Variants in BIRC3 observed in about 807,000 individuals in gnomAD.
The protein encoded by BIRC3 is baculoviral IAP repeat-containing protein 3.
Under a neutral mutation model 59.0 loss-of-function variants are expected in BIRC3, and 26 were observed. That is an observed-to-expected ratio of 0.44 (90% CI 0.32 to 0.61). BIRC3 has a LOEUF of 0.61. BIRC3 is among the 20% of genes least tolerant of loss of function. The pLI, the probability that BIRC3 is intolerant of heterozygous loss-of-function variation, is 0.04. For missense variants in BIRC3, 641 were observed against 711.5 expected (o/e 0.90, Z 1.13); for synonymous variants, 243 against 249.2 (o/e 0.98, Z 0.24).
chr11:102,336,286 T>C (rs527291631), intron 7 of BIRC3, 66 bp downstream of exon 7: 4 of 1,470,576 alleles, frequency 2.7e-6, no homozygotes, highest in African/African-American at 2.8e-5. Context: ...TTATTAATAA[T>C]TTATGACTAC....
chr11:102,337,014 T>C lies in BIRC3; in HGVS notation c.1727T>C (p.Val576Ala). 6.2e-7 allele frequency: 1 copy of C among 1,605,154 alleles called. No individual in the cohort carries two copies. Among genetic ancestry groups the C allele is most frequent in the Non-Finnish European group, 8.5e-7 (1 of 1,178,110 alleles). Residue 576 changes from valine to alanine, a missense_variant, in exon 9 of 9, where the codon GTA becomes GCA. Physicochemically the swap from Val to Ala is moderately conservative, Grantham distance 64 (BLOSUM62 0). Around this residue, in one of 4 missense-constraint regions of BIRC3, gnomAD observed 41 missense variants for 73.4 expected, o/e 0.56. Coordinates refer to ENST00000263464, the MANE Select transcript of BIRC3 (RefSeq NM_001165.5). ...GTGTTTATTCCTTGTGGTCATCTAGTAGTATGCAAAGATTGTGCTCCTTCT... is the reference window on the plus strand; with the variant it reads ...GTGTTTATTCCTTGTGGTCATCTAGCAGTATGCAAAGATTGTGCTCCTTCT... ...SIVFIPCGHLVVCKDCAPSLR... is the reference protein window; with the variant it reads ...SIVFIPCGHLAVCKDCAPSLR...
chr11:102,332,700 C>A (rs1225685525), intron 6 of BIRC3, among the ~76,000 whole-genome samples: 2 of 152,206 alleles, frequency 1.3e-5, no homozygotes, highest in African/African-American at 4.8e-5. Context: ...TGGATTTGTT[C>A]TCTGACCCAA....
intron 7 of BIRC3, 71 bp downstream of exon 7, chr11:102,336,291 G>T: frequency 6.8e-7 from 1 of 1,460,348 alleles, no homozygotes; most frequent in South Asian, 1.4e-5. Context: ...AATAATTTAT[G>T]ACTACTGAAA....
chr11:102,328,036 T>C lies in BIRC3; in HGVS notation c.954-16T>C. ...GTATAAATAATCCCTCAAATTTTAT[T>C]TTCTTTACATTTTAGGTGTGAGTAC... On this transcript the variant is annotated splice_polypyrimidine_tract_variant and intron_variant, in intron 3 of 8. Transcript: ENST00000263464. The C allele has an allele frequency of 1.3e-6, 2 of 1,581,752 alleles. No homozygotes were observed. The highest frequency in any genetic ancestry group is 2.3e-5 in the South Asian group (2 of 86,456).
rs375640711 is a variant in BIRC3 at position 102,324,587 on chromosome 11, G to T, written c.78G>T (p.Leu26Phe). 3.1e-6 allele frequency: 5 copies of T among 1,614,004 alleles called. No homozygotes were observed. The African/African-American group carries it at 6.7e-5, about 22-fold the overall frequency. Residue 26 changes from leucine (L) to phenylalanine (F), a missense_variant, in exon 2 of 9, where the codon TTG (leucine) becomes TTT (phenylalanine). By Grantham distance (22) the Leu-to-Phe change is conservative. This residue lies in a region of BIRC3 where 329 missense variants were observed against 365.6 expected (regional missense o/e 0.90). Coordinates refer to ENST00000263464, the MANE Select transcript of BIRC3 (RefSeq NM_001165.5). ...ACACGTTTGAACTGAAATACGACTT[G>T]TCATGTGAACTGTACCGAATGTCTA... ...SANTFELKYD[L>F]SCELYRMSTY...
chr11:102,329,084 AT>A, intron 5 of BIRC3, 139 bp downstream of exon 5: 1 of 429,456 alleles, frequency 2.3e-6, no homozygotes. Context: ...CTGTGTTGGT[AT>A]TTCCCAAACT....
chr11:102,317,997 G>C (rs550297045), intron 1 of BIRC3, among the ~76,000 whole-genome samples: 1 of 152,282 alleles, frequency 6.6e-6, no homozygotes, highest in East Asian at 1.9e-4. Flanking sequence ...TAGGAAGACA[G>C]CAGTTTTTGG....
At chr11:102,318,702 G>A (rs894140515) in intron 1 of BIRC3, among the ~76,000 whole-genome samples, 1 of 152,160 alleles carries the variant, frequency 6.6e-6, no homozygotes, top group African/African-American at 2.4e-5. Flanking sequence ...TTAAATGAAT[G>A]AGTCAGAAGA....
chr11:102,318,367 A>T (rs2135779791), intron 1 of BIRC3, among the ~76,000 whole-genome samples: 1 of 152,294 alleles, frequency 6.6e-6, no homozygotes, highest in South Asian at 2.1e-4. Flanking sequence ...GCCTGATACT[A>T]ATCAATCACT....
Position 102,338,001 on chromosome 11 carries a change from T to C in BIRC3, c.*899T>C, listed in dbSNP as rs753880591. 12 of 226,182 alleles carry C rather than the reference T, an allele frequency of 5.3e-5. No homozygotes were observed. Among genetic ancestry groups the C allele is most frequent in the Non-Finnish European group, 1.1e-4 (12 of 113,748 alleles). 14.0% of individuals were successfully genotyped at this position (226,182 alleles called of 1,614,324 possible). ...CAAGAAGTCTCATGCCAGCCCCACC[T>C]ATTGGAAGAAGGTCTGAGTTTTATT... On this transcript the variant is annotated 3_prime_UTR_variant, in exon 9 of 9. Transcript: ENST00000263464.
chr11:102,319,200 C>T (rs569141997), intron 1 of BIRC3, among the ~76,000 whole-genome samples: 387 of 148,710 alleles, frequency 2.6e-3, no homozygotes, highest in African/African-American at 8.9e-3. Flanking sequence ...CATGCCACCA[C>T]ACCCGGCTAA....
intron 3 of BIRC3, among the ~76,000 whole-genome samples, chr11:102,327,498 G>C (rs1267780556): frequency 6.6e-6 from 1 of 151,940 alleles, no homozygotes; most frequent in Non-Finnish European, 1.5e-5. Context: ...AAATTAGCCG[G>C]CCATGGTGGC....
intron 1 of BIRC3, among the ~76,000 whole-genome samples, chr11:102,318,380 G>A (rs1290352005): frequency 2.0e-5 from 3 of 152,272 alleles, no homozygotes; most frequent in South Asian, 4.1e-4. Flanking sequence ...CAATCACTGA[G>A]CTGACTCTGT....
rs1197046779 is a variant in BIRC3 at position 102,325,428 on chromosome 11, A to T, written c.854-38A>T. 5.6e-6 allele frequency: 9 copies of T among 1,598,900 alleles called. No individual in the cohort carries two copies. In the African/African-American group the frequency reaches 1.1e-4, roughly 19 times the overall value. On this transcript the variant is annotated intron_variant, in intron 2 of 8. Coordinates refer to ENST00000263464, the MANE Select transcript of BIRC3 (RefSeq NM_001165.5). ...TTTTATACATTTTAGTGGGCAAATT[A>T]TGTGTATTCATAAGTTTTGGTCTAA...
chr11:102,325,588 T>G, intron 3 of BIRC3, 23 bp downstream of exon 3: 1 of 1,601,936 alleles, frequency 6.2e-7, no homozygotes, highest in Non-Finnish European at 8.5e-7. Flanking sequence ...AAATTCTCTT[T>G]GCAAATTCTT....
chr11:102,336,407 C>G, intron 7 of BIRC3, 187 bp downstream of exon 7: 2 of 656,086 alleles, frequency 3.0e-6, no homozygotes, highest in Non-Finnish European at 5.0e-6. Flanking sequence ...GACTGGACAA[C>G]GTGGCGAGAC....
At chr11:102,327,957 T>G (rs1034301027) in intron 3 of BIRC3, 95 bp from the exon 4 acceptor site, 3 of 883,150 alleles carry the variant, frequency 3.4e-6, no homozygotes, top group African/African-American at 1.8e-5. Context: ...AGATTTGAAA[T>G]GGAATAAACA....
intron 1 of BIRC3, among the ~76,000 whole-genome samples, chr11:102,318,563 A>G (rs1950997614): frequency 6.6e-6 from 1 of 152,220 alleles, no homozygotes; most frequent in Admixed American, 6.5e-5. Flanking sequence ...AAAAGAGCTT[A>G]CTGTCTAGCG....
At chr11:102,328,817 C>T in intron 4 of BIRC3, 80 bp from the exon 5 acceptor site, 1 of 512,876 alleles carries the variant, frequency 1.9e-6, no homozygotes, top group Non-Finnish European at 2.8e-6. Context: ...TCTGTTGGGT[C>T]ATTTTCATTG....
Sources: allele counts gnomAD v4.1 joint callset (sites outside exome capture counted in the v4.1 genomes callset), GRCh38; gene constraint gnomAD v4.1.1; regional missense constraint gnomAD v4.1.1; transcripts MANE v1.5; gene names NCBI Gene and HGNC (gene_info 2026-07-23, HGNC 2026-07-21).